The following SIPA1L1 variants were observed in gnomAD, a reference collection of about 807,000 sequenced individuals.
SIPA1L1 encodes signal induced proliferation associated 1 like 1.
In SIPA1L1, 26 loss-of-function variants were observed where a neutral mutation model predicts 162.7. The observed-to-expected ratio is 0.16, with a 90% CI of 0.12 to 0.22. SIPA1L1 has a LOEUF of 0.22. SIPA1L1 is among the 10% of genes least tolerant of loss of function. The pLI, the probability that SIPA1L1 is intolerant of heterozygous loss-of-function variation, is 1.00. For synonymous variants in SIPA1L1, 829 were observed against 837.4 expected, an observed-to-expected ratio of 0.99 and a Z score of 0.17; for missense variants, 1,874 against 2,241.0, an observed-to-expected ratio of 0.84 and a Z score of 3.31.
chr14:71,559,895 G>A (rs866237728), intron 4 of SIPA1L1, among the ~76,000 whole-genome samples: 6 of 151,434 alleles, frequency 4.0e-5, no homozygotes, highest in Non-Finnish European at 7.4e-5. Flanking sequence ...TGGAAAACTT[G>A]TCCTTGAATA....
intron 2 of SIPA1L1, among the ~76,000 whole-genome samples, chr14:71,384,962 G>A (rs1395852457): frequency 1.3e-5 from 2 of 152,200 alleles, no homozygotes; most frequent in Non-Finnish European, 2.9e-5. Context: ...ATTGAGGAGA[G>A]TCAGGGTTAA....
At chr14:71,667,528 T>C (rs1304548554) in intron 10 of SIPA1L1, among the ~76,000 whole-genome samples, 1 of 152,196 alleles carries the variant, frequency 6.6e-6, no homozygotes, top group Non-Finnish European at 1.5e-5. Flanking sequence ...ATCGAGAGAA[T>C]GATTGGCACG....
At chr14:71,393,643 A>G (rs779785774) in intron 2 of SIPA1L1, among the ~76,000 whole-genome samples, 10 of 152,068 alleles carry the variant, frequency 6.6e-5, no homozygotes, top group Non-Finnish European at 1.5e-4. Context: ...CCTAGTCTCT[A>G]TCTTCCCCAC....
chr14:71,432,720 ATTG>A (rs1287177984), intron 2 of SIPA1L1, among the ~76,000 whole-genome samples: 1 of 152,124 alleles, frequency 6.6e-6, no homozygotes, highest in Non-Finnish European at 1.5e-5. Flanking sequence ...ATTTTGGGGT[ATTG>A]TTTTCTGCAC....
intron 5 of SIPA1L1, among the ~76,000 whole-genome samples, chr14:71,607,057 A>G (rs962553115): frequency 6.6e-6 from 1 of 151,926 alleles, no homozygotes; most frequent in Non-Finnish European, 1.5e-5. Context: ...CATAGTGTAG[A>G]GGGAATTGGG....
intron 3 of SIPA1L1, among the ~76,000 whole-genome samples, chr14:71,522,758 A>G (rs1260838528): frequency 6.7e-6 from 1 of 150,036 alleles, no homozygotes; most frequent in African/African-American, 2.5e-5. Context: ...CAGTGGCACG[A>G]TCTCGGCTCA....
chr14:71,505,598 A>G (rs1423666577), intron 2 of SIPA1L1, among the ~76,000 whole-genome samples: 1 of 152,036 alleles, frequency 6.6e-6, no homozygotes, highest in Non-Finnish European at 1.5e-5. Context: ...GAGTTTTTCC[A>G]TCTTTGTCTT....
rs562515987 is a variant in SIPA1L1 at position 71,427,522 on chromosome 14, T to C, written c.-464-85221T>C. ...CAATGGGGGTCTCTTTGAGTTTTCT[T>C]GTCTCCTTTTGGAACTCTCACAATG... is the stretch of plus-strand genomic sequence containing the variant. On this transcript the variant is annotated intron_variant, in intron 2 of 23. Transcript: ENST00000381232. 2.7e-3 allele frequency among the ~76,000 whole-genome samples: 404 copies of C among 152,322 alleles called. 4 individuals carry two copies. The highest frequency in any genetic ancestry group is 5.9e-3 in the Admixed American group (90 of 15,304).
intron 15 of SIPA1L1, among the ~76,000 whole-genome samples, chr14:71,702,815 G>T (rs1360668572): frequency 1.3e-5 from 2 of 152,174 alleles, no homozygotes; most frequent in Non-Finnish European, 2.9e-5. Flanking sequence ...CCTAGAATAA[G>T]TGCCTTGAGA....
At chr14:71,489,663 G>A (rs1444127367) in intron 2 of SIPA1L1, among the ~76,000 whole-genome samples, 3 of 149,712 alleles carry the variant, frequency 2.0e-5, no homozygotes, top group Non-Finnish European at 3.0e-5. Flanking sequence ...CTCAGGCCAC[G>A]CATAAAGTAC....
At chr14:71,610,640 T>TA (rs1470051547) in intron 5 of SIPA1L1, among the ~76,000 whole-genome samples, 1 of 152,230 alleles carries the variant, frequency 6.6e-6, no homozygotes, top group Non-Finnish European at 1.5e-5. Context: ...TCTCTTTATT[T>TA]AAAAATAATT....
intron 20 of SIPA1L1, among the ~76,000 whole-genome samples, chr14:71,732,872 G>A (rs2084928632): frequency 1.3e-5 from 2 of 152,188 alleles, no homozygotes; most frequent in Non-Finnish European, 2.9e-5. Context: ...AGCAGAGAGG[G>A]CAGGCATGGG....
intron 19 of SIPA1L1, among the ~76,000 whole-genome samples, chr14:71,725,440 A>G (rs910361225): frequency 1.3e-5 from 2 of 152,200 alleles, no homozygotes; most frequent in Non-Finnish European, 2.9e-5. Flanking sequence ...TTGACTTCAT[A>G]AAGCCTTCTA....
intron 7 of SIPA1L1, among the ~76,000 whole-genome samples, chr14:71,646,178 CTTT>C (rs756484967): frequency 1.4e-5 from 2 of 142,068 alleles, no homozygotes; most frequent in African/African-American, 2.6e-5. Context: ...TTTCTTTCTA[CTTT>C]TTTTTTTTTT....
At chr14:71,599,265 C>T (rs967301071) in intron 5 of SIPA1L1, among the ~76,000 whole-genome samples, 1 of 150,938 alleles carries the variant, frequency 6.6e-6, no homozygotes, top group Non-Finnish European at 1.5e-5. Flanking sequence ...ATTCTCCTGC[C>T]TCAGCCTCCC....
At chr14:71,653,233 A>C (rs376599852) in intron 8 of SIPA1L1, among the ~76,000 whole-genome samples, 3 of 152,182 alleles carry the variant, frequency 2.0e-5, no homozygotes, top group East Asian at 1.9e-4. Context: ...TATTCAATGA[A>C]GTGTCTACTG....
rs550019180 is a variant in SIPA1L1 at position 71,335,307 on chromosome 14, A to G, written c.-465+14126A>G. On this transcript the variant is annotated intron_variant, in intron 2 of 23. Transcript: ENST00000381232. ...ACAGAGTGAGACTGTGTCTCAAAAG[A>G]AAAAAAAATGTCTTTAGCCAACAGA... 5.6e-4 allele frequency among the ~76,000 whole-genome samples: 85 copies of G among 151,742 alleles called. 3 individuals carry two copies. In the South Asian group the frequency reaches 0.017, roughly 31 times the overall value.
intron 1 of SIPA1L1, 159 bp downstream of exon 1, chr14:71,320,662 C>T: frequency 6.8e-6 from 1 of 147,360 alleles, no homozygotes; most frequent in East Asian, 2.1e-4. Context: ...CCCCCGTCCG[C>T]ACTTACCTGT....
At chr14:71,458,557 A>G (rs1467426665) in intron 2 of SIPA1L1, among the ~76,000 whole-genome samples, 2 of 152,200 alleles carry the variant, frequency 1.3e-5, no homozygotes, top group African/African-American at 4.8e-5. Context: ...TGGTGTGCAT[A>G]TATTTTATCA....
Sources: allele counts gnomAD v4.1 joint callset (sites outside exome capture counted in the v4.1 genomes callset), GRCh38; gene constraint gnomAD v4.1.1; transcripts MANE v1.5; gene names NCBI Gene and HGNC (gene_info 2026-07-23, HGNC 2026-07-21).